The following CIPC variants were observed in gnomAD, a reference collection of about 807,000 sequenced individuals.
CIPC encodes the protein CLOCK-interacting pacemaker.
Under a neutral mutation model 26.7 loss-of-function variants are expected in CIPC, and 12 were observed. The observed-to-expected ratio is 0.45, with a 90% CI of 0.29 to 0.73. The LOEUF is 0.73. Among genes scored for constraint, CIPC ranks in the 30% least tolerant of loss-of-function variants. The pLI is 0.12. For missense variants in CIPC, 417 were observed against 486.5 expected (o/e 0.86, Z 1.34); for synonymous variants, 170 against 189.8 (o/e 0.90, Z 0.86).
At chr14:77,107,632 AC>A (rs1477694560) in intron 2 of CIPC, among the ~76,000 whole-genome samples, 1 of 37,844 alleles carries the variant, frequency 2.6e-5, no homozygotes, top group Non-Finnish European at 7.9e-5. Flanking sequence ...CTCTTTACAC[AC>A]ACACACACAC....
intron 1 of CIPC, among the ~76,000 whole-genome samples, chr14:77,101,120 TC>T (rs1886475707): frequency 6.6e-6 from 1 of 152,202 alleles, no homozygotes; most frequent in Non-Finnish European, 1.5e-5. Context: ...CATTTTCAAC[TC>T]CTAGTCAGTG....
At chr14:77,102,781 A>C (rs967212731) in intron 1 of CIPC, among the ~76,000 whole-genome samples, 1 of 152,238 alleles carries the variant, frequency 6.6e-6, no homozygotes. Context: ...GACATGAATT[A>C]GTTTGAATGC....
At chr14:77,103,821 C>G (rs1407210618) in intron 1 of CIPC, among the ~76,000 whole-genome samples, 2 of 152,104 alleles carry the variant, frequency 1.3e-5, no homozygotes, top group Non-Finnish European at 2.9e-5. Flanking sequence ...TCTACATGAC[C>G]AAATCTACAT....
rs55735817 is a variant in CIPC at position 77,107,658 on chromosome 14, A to ACTCTCT, written c.136+1819_136+1824dup. Among the ~76,000 whole-genome samples the ACTCTCT allele has an allele frequency of 1.5e-3, 212 of 145,262 alleles. 1 individual carries two copies. The highest frequency in any genetic ancestry group is 4.0e-3 in the African/African-American group (149 of 36,972). ...CACACACACACACACACACACACAC[A>ACTCTCT]CTCTCTCTCTGAATTATTTGAAAGT... On this transcript the variant is annotated intron_variant, in intron 2 of 3. Coordinates refer to ENST00000361786, the MANE Select transcript of CIPC (RefSeq NM_033426.3).
intron 2 of CIPC, 182 bp downstream of exon 2, chr14:77,106,026 G>C: frequency 1.9e-6 from 1 of 518,910 alleles, no homozygotes; most frequent in Non-Finnish European, 3.2e-6. Flanking sequence ...TCACCACAGG[G>C]TTAGTTCTGA....
chr14:77,107,472 C>T (rs774384103), intron 2 of CIPC, among the ~76,000 whole-genome samples: 2 of 152,178 alleles, frequency 1.3e-5, no homozygotes, highest in African/African-American at 2.4e-5. Context: ...ATTCCAGTTA[C>T]CTTGGAGTAG....
chr14:77,111,771 A>G (rs1165578219), intron 3 of CIPC, among the ~76,000 whole-genome samples: 1 of 152,256 alleles, frequency 6.6e-6, no homozygotes. Flanking sequence ...TAACAGTAGC[A>G]TTAGGAAGTA....
intron 1 of CIPC, among the ~76,000 whole-genome samples, chr14:77,101,310 A>C (rs905761423): frequency 6.6e-6 from 1 of 151,840 alleles, no homozygotes; most frequent in Non-Finnish European, 1.5e-5. Context: ...CAGTGCTGCT[A>C]CTCCTCCGAA....
chr14:77,113,668 G>T lies in CIPC; in HGVS notation c.550G>T (p.Val184Leu), dbSNP rs1274861733. The change falls in exon 4 of 4, where the codon GTG becomes TTG. Residue 184 changes from valine (V) to leucine (L), a missense_variant. Physicochemically the swap from Val to Leu is conservative, Grantham distance 32. Transcript: ENST00000361786. ...CCCAGAAGAAAAAGGAACAAGTGGAGTGCAGAAGAAAATCTGTACTGAGAG... is the reference window on the plus strand; with the variant it reads ...CCCAGAAGAAAAAGGAACAAGTGGATTGCAGAAGAAAATCTGTACTGAGAG... ...LGPEEKGTSG[V>L]QKKICTERLG... 1.2e-6 allele frequency: 2 copies of T among 1,613,614 alleles called. No individual in the cohort carries two copies. The highest frequency in any genetic ancestry group is 2.7e-5 in the African/African-American group (2 of 74,850).
At position 77,100,551 on chromosome 14, in the gene CIPC, CTCTTT is replaced by C. The variant is rs528651787; in HGVS notation, c.-53+2204_-53+2208del. ...AGCCACCTTGCCTGGCTCTGATTCTCTCTTTTCTTTTCTTTTCTCTTCTTTTTTTT... is the reference window on the plus strand; with the variant it reads ...AGCCACCTTGCCTGGCTCTGATTCTCTCTTTTCTTTTCTCTTCTTTTTTTT... On this transcript the variant is annotated intron_variant, in intron 1 of 3. Coordinates refer to ENST00000361786, the MANE Select transcript of CIPC (RefSeq NM_033426.3). Among the ~76,000 whole-genome samples the C allele has an allele frequency of 5.0e-3, 747 of 149,324 alleles. 9 individuals carry two copies. Among genetic ancestry groups the C allele is most frequent in the African/African-American group, 0.016 (664 of 40,628 alleles).
chr14:77,114,992 CA>C lies in CIPC; in HGVS notation c.*677del, dbSNP rs1886782201. On this transcript the variant is annotated 3_prime_UTR_variant, in exon 4 of 4. Transcript: ENST00000361786. ...AACTAGCAGGCAAAAACAGTACTTC[CA>C]AATTTTAAGGTATGGAATGAATGCA... 1 of 152,100 alleles carries C rather than the reference CA, an allele frequency of 6.6e-6. No homozygotes were observed. 9.4% of individuals were successfully genotyped at this position (152,100 alleles called of 1,614,324 possible).
In CIPC at chr14:77,113,945, T is replaced by C; in HGVS notation, c.827T>C (p.Leu276Ser). ...GCATCAGACAGCACTCTCCATGGGT[T>C]AGAGAGCAACTCTCCCCTTTCACCA... Reference protein sequence around the residue: ...VCASDSTLHGLESNSPLSPLS... With the variant: ...VCASDSTLHGSESNSPLSPLS... The change falls in exon 4 of 4, where the codon TTA becomes TCA. Residue 276 changes from leucine (L) to serine (S), a missense_variant. Transcript: ENST00000361786. The C allele has an allele frequency of 1.2e-6, 2 of 1,614,220 alleles. No homozygotes were observed. Among genetic ancestry groups the C allele is most frequent in the Non-Finnish European group, 1.7e-6 (2 of 1,180,040 alleles).
At chr14:77,102,016 G>T (rs1205168264) in intron 1 of CIPC, among the ~76,000 whole-genome samples, 2 of 150,484 alleles carry the variant, frequency 1.3e-5, no homozygotes, top group African/African-American at 5.0e-5. Context: ...AGCCCAGGAG[G>T]TCGAGTCTGC....
chr14:77,105,925 GAT>G, intron 2 of CIPC, 81 bp downstream of exon 2: 1 of 1,524,434 alleles, frequency 6.6e-7, no homozygotes, highest in Admixed American at 1.8e-5. Context: ...TCATTTATGT[GAT>G]AAGGATGGGA....
chr14:77,112,836 A>T (rs1886731428), intron 3 of CIPC, among the ~76,000 whole-genome samples: 2 of 151,858 alleles, frequency 1.3e-5, no homozygotes, highest in African/African-American at 4.8e-5. Flanking sequence ...TCAGCCTCCC[A>T]AGTAGCTGGG....
At chr14:77,105,444 A>C (rs1265101085) in intron 1 of CIPC, among the ~76,000 whole-genome samples, 1 of 152,220 alleles carries the variant, frequency 6.6e-6, no homozygotes, top group East Asian at 1.9e-4. Context: ...TTGAATTTGT[A>C]ATGGAATTAG....
At chr14:77,101,940 G>A (rs890763760) in intron 1 of CIPC, among the ~76,000 whole-genome samples, 1 of 152,116 alleles carries the variant, frequency 6.6e-6, no homozygotes, top group Admixed American at 6.5e-5. Flanking sequence ...TTAAAAATTA[G>A]CTGGGTGTGG....
chr14:77,108,006 A>C (rs1397033003), intron 2 of CIPC, among the ~76,000 whole-genome samples: 1 of 151,782 alleles, frequency 6.6e-6, no homozygotes, highest in Non-Finnish European at 1.5e-5. Flanking sequence ...TTCTTTCTTT[A>C]TGACATTGAC....
In CIPC at chr14:77,104,616, C is replaced by A. The variant is rs115898802; in HGVS notation, c.-52-1041C>A. Among the ~76,000 whole-genome samples, 719 of 152,266 alleles carry A rather than the reference C, an allele frequency of 4.7e-3. 9 individuals carry two copies. The highest frequency in any genetic ancestry group is 0.017 in the African/African-American group (689 of 41,534). ...TTTCAGTTCTTTGTTTGTGCCAAGC[C>A]CCTTGCTCCCTTAGGGCCTTCACAC... On this transcript the variant is annotated intron_variant, in intron 1 of 3. Coordinates refer to ENST00000361786, the MANE Select transcript of CIPC (RefSeq NM_033426.3).
Sources: gnomAD v4.1 joint callset for allele counts (sites outside exome capture counted in the v4.1 genomes callset) on GRCh38, gnomAD v4.1.1 for gene constraint, MANE v1.5 for transcripts, NCBI Gene and HGNC (gene_info 2026-07-23, HGNC 2026-07-21) for gene names.